Variants in TJP1 observed in about 807,000 individuals in gnomAD.
TJP1 encodes the protein tight junction protein 1, also known as tight junction protein ZO-1.
In TJP1, 43 loss-of-function variants were observed where a neutral mutation model predicts 194.2. The observed-to-expected ratio is 0.22, with a 90% CI of 0.17 to 0.29. TJP1 has a LOEUF of 0.29. TJP1 is among the 10% of genes least tolerant of loss of function. The pLI is 1.00. For synonymous variants in TJP1, 801 were observed against 779.0 expected (o/e 1.03, Z -0.47); for missense variants, 1,971 against 2,185.7 (o/e 0.90, Z 1.96).
chr15:29,840,687 T>A (rs941566753), intron 2 of TJP1, among the ~76,000 whole-genome samples: 2 of 152,148 alleles, frequency 1.3e-5, no homozygotes, highest in African/African-American at 4.8e-5. Context: ...TAGGTAGTTG[T>A]CAGCTTCAGC....
At chr15:29,910,921 A>G (rs572692150) in intron 2 of TJP1, among the ~76,000 whole-genome samples, 2 of 152,354 alleles carry the variant, frequency 1.3e-5, no homozygotes, top group Admixed American at 6.5e-5. Flanking sequence ...AGAGGAGAAC[A>G]TACACCTGCA....
rs34201715 is a variant in TJP1 at position 29,791,413 on chromosome 15, CTTTTTTTTTTTTTTTT to C, written c.84+9217_84+9232del. Among the ~76,000 whole-genome samples, 3 of 51,204 alleles carry C rather than the reference CTTTTTTTTTTTTTTTT, an allele frequency of 5.9e-5. 1 individual carries two copies. The East Asian group carries it at 1.8e-3, about 31-fold the overall frequency. The allele number at this position is 51,204 out of a possible 152,430, so 33.6% of individuals were successfully genotyped here. A position where few individuals can be genotyped will look rare whatever the true frequency, so the allele number is the denominator to read the frequency against. ...GTTTTTGAGGAGCCTCCATAATATT[CTTTTTTTTTTTTTTTT>C]TTTTTTTTTGAGACAGAGTCTGGCA... On this transcript the variant is annotated intron_variant, in intron 2 of 27. Coordinates refer to ENST00000614355, the MANE Select transcript of TJP1 (RefSeq NM_001330239.4).
intron 1 of TJP1, among the ~76,000 whole-genome samples, chr15:29,801,586 C>G (rs1485347156): frequency 1.3e-5 from 2 of 150,154 alleles, no homozygotes; most frequent in Non-Finnish European, 3.0e-5. Context: ...CTCAGCCTCC[C>G]AAGTAGCTGG....
chr15:29,951,168 T>C (rs1440322464), intron 2 of TJP1, among the ~76,000 whole-genome samples: 1 of 152,168 alleles, frequency 6.6e-6, no homozygotes, highest in Non-Finnish European at 1.5e-5. Context: ...TACTCTTTTT[T>C]TCTTTTCCTT....
intron 18 of TJP1, among the ~76,000 whole-genome samples, chr15:29,723,283 A>T (rs1785773257): frequency 6.6e-6 from 1 of 152,116 alleles, no homozygotes; most frequent in African/African-American, 2.4e-5. Flanking sequence ...GCCTGGTAGG[A>T]GGTGATCACG....
intron 8 of TJP1, among the ~76,000 whole-genome samples, chr15:29,748,250 A>C (rs2044947811): frequency 6.6e-6 from 1 of 152,196 alleles, no homozygotes; most frequent in South Asian, 2.1e-4. Context: ...TTTTTTGCAT[A>C]CTGTGTTTTC....
chr15:29,939,039 A>G (rs1477755631), intron 2 of TJP1, among the ~76,000 whole-genome samples: 1 of 152,184 alleles, frequency 6.6e-6, no homozygotes, highest in Non-Finnish European at 1.5e-5. Context: ...CAGAAAGGAT[A>G]CCTTTTTCCC....
At chr15:29,958,210 C>G (rs2056017619) in intron 1 of TJP1, among the ~76,000 whole-genome samples, 1 of 151,904 alleles carries the variant, frequency 6.6e-6, no homozygotes, top group Non-Finnish European at 1.5e-5. Context: ...ATAATTTTCC[C>G]ATCTACATTT....
At chr15:29,714,610 G>A (rs546436126) in intron 23 of TJP1, among the ~76,000 whole-genome samples, 67 of 136,112 alleles carry the variant, frequency 4.9e-4, no homozygotes, top group Admixed American at 2.1e-3. Context: ...GCACGATCTC[G>A]GCTCACTGCA....
At chr15:29,805,377 A>G (rs1209341222) in intron 1 of TJP1, among the ~76,000 whole-genome samples, 4 of 152,190 alleles carry the variant, frequency 2.6e-5, no homozygotes, top group Admixed American at 2.6e-4. Context: ...AATAACTGAA[A>G]AGACAGGATG....
At chr15:29,749,942 A>C (rs1595748715) in intron 8 of TJP1, among the ~76,000 whole-genome samples, 1 of 152,030 alleles carries the variant, frequency 6.6e-6, no homozygotes, top group East Asian at 1.9e-4. Context: ...TCCTGGGTTC[A>C]AGTTATTCTC....
At chr15:29,875,232 T>G (rs2052655800) in intron 2 of TJP1, among the ~76,000 whole-genome samples, 1 of 152,224 alleles carries the variant, frequency 6.6e-6, no homozygotes, top group African/African-American at 2.4e-5. Context: ...AGCCCTATGA[T>G]AAGGCACTGT....
At chr15:29,953,296 C>T (rs1205954081) in intron 2 of TJP1, among the ~76,000 whole-genome samples, 2 of 151,958 alleles carry the variant, frequency 1.3e-5, no homozygotes, top group Non-Finnish European at 2.9e-5. Flanking sequence ...CACCTGCCAC[C>T]ACGCCCAGCT....
chr15:29,793,237 G>T (rs1282447176), intron 2 of TJP1, among the ~76,000 whole-genome samples: 1 of 152,138 alleles, frequency 6.6e-6, no homozygotes, highest in African/African-American at 2.4e-5. Flanking sequence ...CTAGCTGTGG[G>T]TTTATCTGTC....
In TJP1 at chr15:29,701,403, C is replaced by T. The variant is rs1430668144; in HGVS notation, c.*192G>A. ...TACCAACAGTCCCGTCAATCACAAA[C>T]ATGCAGTGTGTAGCATGTTTTCCGA... On this transcript the variant is annotated 3_prime_UTR_variant, in exon 28 of 28. Coordinates refer to ENST00000614355, the MANE Select transcript of TJP1 (RefSeq NM_001330239.4). The T allele has an allele frequency of 2.1e-6, 1 of 480,704 alleles. No homozygotes were observed. Among genetic ancestry groups the T allele is most frequent in the Non-Finnish European group, 3.7e-6 (1 of 270,212 alleles). 29.8% of individuals were successfully genotyped at this position (480,704 alleles called of 1,614,324 possible). A position where few individuals can be genotyped will look rare whatever the true frequency, so the allele number is the denominator to read the frequency against.
intron 8 of TJP1, among the ~76,000 whole-genome samples, chr15:29,743,416 A>G (rs1415307211): frequency 6.6e-6 from 1 of 152,222 alleles, no homozygotes; most frequent in Admixed American, 6.5e-5. Flanking sequence ...AGTAACATAT[A>G]TAAGAATTTG....
At chr15:29,943,303 T>G (rs1000834969) in intron 2 of TJP1, among the ~76,000 whole-genome samples, 1 of 152,190 alleles carries the variant, frequency 6.6e-6, no homozygotes, top group African/African-American at 2.4e-5. Context: ...AATGACTACT[T>G]TACAAGTTAT....
intron 1 of TJP1, 146 bp downstream of exon 1, chr15:29,821,856 C>T (rs2050389546): frequency 1.2e-6 from 1 of 827,334 alleles, no homozygotes; most frequent in South Asian, 5.5e-5. Context: ...GGCCCGCGGC[C>T]CGCGGCCCCG....
chr15:29,914,363 A>C (rs2152233509), intron 2 of TJP1, among the ~76,000 whole-genome samples: 1 of 152,156 alleles, frequency 6.6e-6, no homozygotes, highest in South Asian at 2.1e-4. Flanking sequence ...AGCTCATTTG[A>C]CCTCCAGAGG....
Sources: gnomAD v4.1 joint callset for allele counts (sites outside exome capture counted in the v4.1 genomes callset) on GRCh38, gnomAD v4.1.1 for gene constraint, MANE v1.5 for transcripts, NCBI Gene and HGNC (gene_info 2026-07-23, HGNC 2026-07-21) for gene names.